Variants in CERK observed in about 807,000 individuals in gnomAD.
CERK encodes acylsphingosine kinase.
Under a neutral mutation model 63.4 loss-of-function variants are expected in CERK, and 39 were observed. That is an observed-to-expected ratio of 0.61 (90% CI 0.48 to 0.80). The LOEUF is 0.80. Ranked by LOEUF, CERK falls within the 30% of genes least tolerant of loss-of-function variation. The pLI, the probability that CERK is intolerant of heterozygous loss-of-function variation, is 0.00. For missense variants in CERK, 670 were observed against 714.1 expected (o/e 0.94, Z 0.70); for synonymous variants, 302 against 280.0 (o/e 1.08, Z -0.78).
At chr22:46,726,162 G>C (rs1160619718) in intron 1 of CERK, among the ~76,000 whole-genome samples, 1 of 152,254 alleles carries the variant, frequency 6.6e-6, no homozygotes, top group East Asian at 1.9e-4. Context: ...CAAGGTGGCA[G>C]AACATGCCGC....
At chr22:46,698,700 G>A (rs1269553227) in intron 8 of CERK, among the ~76,000 whole-genome samples, 1 of 151,276 alleles carries the variant, frequency 6.6e-6, no homozygotes, top group African/African-American at 2.4e-5. Flanking sequence ...AGACCAGCCT[G>A]GGCAACAGGG....
intron 1 of CERK, among the ~76,000 whole-genome samples, chr22:46,732,548 A>C (rs1444184452): frequency 6.6e-6 from 1 of 151,908 alleles, no homozygotes; most frequent in African/African-American, 2.4e-5. Flanking sequence ...TCTGGGATAG[A>C]TAATCAAAAA....
At chr22:46,692,601 CAATA>C (rs1210428159) in intron 10 of CERK, among the ~76,000 whole-genome samples, 2 of 151,752 alleles carry the variant, frequency 1.3e-5, no homozygotes, top group African/African-American at 4.8e-5. Flanking sequence ...GACTCTGTCC[CAATA>C]AATAAATAAA....
chr22:46,719,833 G>C (rs2082883277), intron 3 of CERK, among the ~76,000 whole-genome samples: 1 of 152,236 alleles, frequency 6.6e-6, no homozygotes, highest in Admixed American at 6.5e-5. Flanking sequence ...AGAAGGGTAA[G>C]TGACCCGCCC....
In CERK at chr22:46,686,713, C is replaced by T. The variant is rs142913692; in HGVS notation, c.*421G>A. On this transcript the variant is annotated 3_prime_UTR_variant, in exon 13 of 13. Transcript: ENST00000216264. ...CACTTCCCAAAACTTGGCCACAAAC[C>T]GTTACAGAATAAGTCCTGCAAAGTG... The T allele has an allele frequency of 2.8e-5, 5 of 181,378 alleles. No homozygotes were observed. Among genetic ancestry groups the T allele is most frequent in the East Asian group, 2.8e-4 (2 of 7,228 alleles). The allele number at this position is 181,378 out of a possible 1,614,324, so 11.2% of individuals were successfully genotyped here.
At chr22:46,691,386 G>T (rs5769083) in intron 11 of CERK, among the ~76,000 whole-genome samples, 186 bp downstream of exon 11, 30,907 of 151,830 alleles carry the variant, frequency 0.2, 3,272 homozygotes, top group East Asian at 0.36. Context: ...AAAATTTATC[G>T]TTTTAAATGA....
intron 1 of CERK, among the ~76,000 whole-genome samples, chr22:46,729,104 T>C (rs1156948958): frequency 6.6e-6 from 1 of 152,218 alleles, no homozygotes; most frequent in Non-Finnish European, 1.5e-5. Flanking sequence ...GTCTCATGCC[T>C]GTAATTCCAG....
intron 3 of CERK, among the ~76,000 whole-genome samples, chr22:46,715,557 G>C (rs115166850): frequency 9.9e-5 from 15 of 152,270 alleles, no homozygotes; most frequent in Admixed American, 2.0e-4. Flanking sequence ...ACAGTGGTTC[G>C]TGCCTGTAGT....
chr22:46,718,636 G>T (rs2082877434), intron 3 of CERK, among the ~76,000 whole-genome samples: 1 of 152,194 alleles, frequency 6.6e-6, no homozygotes, highest in Admixed American at 6.5e-5. Context: ...ATGCTGCTCT[G>T]AAGCAGATAT....
In CERK at chr22:46,711,153, T is replaced by C. The variant is rs375554015; in HGVS notation, c.506-4A>G. On this transcript the variant is annotated splice_polypyrimidine_tract_variant and splice_region_variant and intron_variant, in intron 4 of 12. Coordinates refer to ENST00000216264, the MANE Select transcript of CERK (RefSeq NM_022766.6). ...GCCTGATTAGCATGTTCAGTAACTG[T>C]GGGGAAAAATTACATCACACAGTTT... The C allele has an allele frequency of 6.2e-7, 1 of 1,610,660 alleles. No homozygotes were observed. The highest frequency in any genetic ancestry group is 8.5e-7 in the Non-Finnish European group (1 of 1,176,850).
chr22:46,696,222 G>A (rs760804781), intron 8 of CERK, among the ~76,000 whole-genome samples: 21 of 152,288 alleles, frequency 1.4e-4, no homozygotes, highest in East Asian at 3.9e-4. Context: ...GTCAGCTCCC[G>A]ACTGTCCCTA....
At chr22:46,697,000 C>T (rs1407893135) in intron 8 of CERK, among the ~76,000 whole-genome samples, 1 of 152,162 alleles carries the variant, frequency 6.6e-6, no homozygotes, top group Non-Finnish European at 1.5e-5. Flanking sequence ...AAAATTCTCG[C>T]GGCTTCTCTA....
chr22:46,703,734 C>A (rs1456913221), intron 6 of CERK, among the ~76,000 whole-genome samples: 1 of 152,220 alleles, frequency 6.6e-6, no homozygotes, highest in Non-Finnish European at 1.5e-5. Flanking sequence ...CTCTTAGGAC[C>A]AAACGCAGAG....
chr22:46,720,848 G>A (rs2146581273), intron 2 of CERK, 54 bp downstream of exon 2: 5 of 1,095,600 alleles, frequency 4.6e-6, no homozygotes, highest in East Asian at 4.7e-5. Context: ...TCCCTCTCGT[G>A]TAATCTACAT....
chr22:46,702,990 A>G (rs955136667), intron 6 of CERK, among the ~76,000 whole-genome samples: 3 of 152,160 alleles, frequency 2.0e-5, no homozygotes, highest in Non-Finnish European at 4.4e-5. Flanking sequence ...TCACGCGAGA[A>G]GGACGGGGCT....
chr22:46,711,541 A>G (rs886998779), intron 4 of CERK, among the ~76,000 whole-genome samples: 2 of 152,186 alleles, frequency 1.3e-5, no homozygotes, highest in East Asian at 1.9e-4. Flanking sequence ...GTAAACTTCT[A>G]TTGAAAGTCC....
At chr22:46,696,064 C>G (rs1031116670) in intron 8 of CERK, among the ~76,000 whole-genome samples, 2 of 152,164 alleles carry the variant, frequency 1.3e-5, no homozygotes, top group African/African-American at 4.8e-5. Flanking sequence ...GCCTGCAGGG[C>G]CGTCACACAC....
In CERK at chr22:46,689,313, G is replaced by A. The variant is rs180735390; in HGVS notation, c.1541+679C>T. The stretch of plus-strand genomic sequence containing the variant: ...ATTGACTGTGGCCCTTGAGGCCAGC[G>A]GTTCCCTGGTGGATTCAGTGGACAA... On this transcript the variant is annotated intron_variant, in intron 12 of 12. Transcript: ENST00000216264. Among the ~76,000 whole-genome samples, 19 of 152,368 alleles carry A rather than the reference G, an allele frequency of 1.2e-4. No individual in the cohort carries two copies. In the East Asian group the frequency reaches 2.5e-3, roughly 20 times the overall value.
At chr22:46,701,975 G>C (rs917427577) in intron 6 of CERK, among the ~76,000 whole-genome samples, 1 of 152,126 alleles carries the variant, frequency 6.6e-6, no homozygotes, top group Non-Finnish European at 1.5e-5. Context: ...GAGGTCAGGA[G>C]TTCGAGACCA....
Sources: allele counts gnomAD v4.1 joint callset (sites outside exome capture counted in the v4.1 genomes callset), GRCh38; gene constraint gnomAD v4.1.1; transcripts MANE v1.5; gene names NCBI Gene and HGNC (gene_info 2026-07-23, HGNC 2026-07-21).